HDAC7: variants seen among roughly 807,000 people sequenced by gnomAD.
HDAC7 encodes histone deacetylase 7.
HDAC7 carries 26 observed loss-of-function variants against 115.5 expected under a neutral mutation model. The observed-to-expected ratio is 0.23, with a 90% confidence interval of 0.16 to 0.31. The LOEUF is 0.31. Among genes scored for constraint, HDAC7 ranks in the 10% least tolerant of loss-of-function variants. The pLI is 1.00. For synonymous variants in HDAC7, 564 were observed against 550.9 expected, an observed-to-expected ratio of 1.02 and a Z score of -0.33; for missense variants, 1,068 against 1,329.0, an observed-to-expected ratio of 0.80 and a Z score of 3.05.
At position 47,794,900 on chromosome 12, in the gene HDAC7, G is replaced by A. The variant is rs150196410; in HGVS notation, c.1318C>T (p.Arg440Trp). ...SAKPSEKPRL[R>W]QIPSAEDLET... Reference sequence around the variant, plus strand: ...AGGTCTTCAGCCGAGGGTATCTGCCGCAGCCGGGGCTTCTCACTCGGCTTG... The same window carrying A: ...AGGTCTTCAGCCGAGGGTATCTGCCACAGCCGGGGCTTCTCACTCGGCTTG... Residue 440 changes from arginine to tryptophan, a missense_variant, in exon 12 of 26, where the codon CGG (arginine) becomes TGG (tryptophan). Around this residue, in one of 6 missense-constraint regions of HDAC7, gnomAD observed 618 missense variants for 701.5 expected, o/e 0.88. Transcript: ENST00000080059. The A allele has an allele frequency of 3.3e-5, 54 of 1,613,186 alleles. No individual in the cohort carries two copies. In the African/African-American group the frequency reaches 4.4e-4, roughly 13 times the overall value.
At position 47,798,032 on chromosome 12, in the gene HDAC7, G is replaced by A; in HGVS notation, c.461+76C>T. On this transcript the variant is annotated intron_variant, in intron 5 of 25. Coordinates refer to ENST00000080059, the MANE Select transcript of HDAC7 (RefSeq NM_015401.5). The surrounding 1 kb of genome is among the most constrained non-coding windows in gnomAD (Gnocchi z 4.3). ...AACTGGGGAGGAAGGAGGCAAGTGT[G>A]TGTGCTCATGGCTAACACGGGGGCG... The A allele has an allele frequency of 4.9e-6, 5 of 1,025,614 alleles. No homozygotes were observed. Among genetic ancestry groups the A allele is most frequent in the Non-Finnish European group, 7.7e-6 (5 of 646,716 alleles). The allele number at this position is 1,025,614 out of a possible 1,614,324, so 63.5% of individuals were successfully genotyped here. A position where few individuals can be genotyped will look rare whatever the true frequency, so the allele number is the denominator to read the frequency against.
In HDAC7 at chr12:47,802,290, C is replaced by T. The variant is rs115673706; in HGVS notation, c.20-16G>A. 572 of 1,612,648 alleles carry T rather than the reference C, an allele frequency of 3.5e-4. 2 individuals carry two copies. In the African/African-American group the frequency reaches 5.4e-3, roughly 15 times the overall value. On this transcript the variant is annotated splice_polypyrimidine_tract_variant and intron_variant, in intron 1 of 25. Coordinates refer to ENST00000080059, the MANE Select transcript of HDAC7 (RefSeq NM_015401.5). ...TGGGTCCCATCTGTAGAGAGAGAGA[C>T]GGAGTGAAAGAGCTGCAGGGAGGGG...
rs778620890 is a variant in HDAC7, at chr12:47,788,144, G to A, written c.2256C>T (p.Gly752=). 64 of 1,611,994 alleles carry A rather than the reference G, an allele frequency of 4.0e-5. No individual in the cohort carries two copies. The East Asian group carries it at 6.5e-4, about 16-fold the overall frequency. The part of the protein sequence containing the change: ...IVDWDVHHGN[G]TQQTFYQDPS... The stretch of plus-strand genomic sequence containing the variant: ...GGTCTTGGTAGAAGGTTTGCTGGGT[G>A]CCGTTGCCATGGTGCACGTCCTGTG... Residue 752 remains glycine, a synonymous_variant, in exon 20 of 26, where the codon GGC becomes GGT. Coordinates refer to ENST00000080059, the MANE Select transcript of HDAC7 (RefSeq NM_015401.5).
At chr12:47,800,481 C>T (rs922221242) in intron 2 of HDAC7, among the ~76,000 whole-genome samples, 1 of 152,222 alleles carries the variant, frequency 6.6e-6, no homozygotes, top group Non-Finnish European at 1.5e-5. Flanking sequence ...TATCAAGAGG[C>T]CTGGAGGGAC....
chr12:47,787,995 T>A, intron 20 of HDAC7, 50 bp downstream of exon 20: 2 of 1,592,466 alleles, frequency 1.3e-6, no homozygotes, highest in African/African-American at 1.3e-5. Flanking sequence ...AGAGTAAGTG[T>A]CAGGAGGAGG....
intron 1 of HDAC7, among the ~76,000 whole-genome samples, chr12:47,813,711 G>A (rs917961603): frequency 1.3e-5 from 2 of 152,234 alleles, no homozygotes; most frequent in South Asian, 4.1e-4. Flanking sequence ...TGCTGTGGGG[G>A]CTGTGGAGCT....
chr12:47,794,555 ATG>A (rs993891241), intron 12 of HDAC7, among the ~76,000 whole-genome samples: 2 of 152,140 alleles, frequency 1.3e-5, no homozygotes, highest in Non-Finnish European at 2.9e-5. Flanking sequence ...TGTTGTGTGT[ATG>A]TGTGTGTATG....
At chr12:47,811,084 G>A (rs1944644382) in intron 1 of HDAC7, among the ~76,000 whole-genome samples, 1 of 152,122 alleles carries the variant, frequency 6.6e-6, no homozygotes, top group Admixed American at 6.5e-5. Flanking sequence ...TCTCGGATGT[G>A]AATAGCCACA....
At position 47,783,773 on chromosome 12, in the gene HDAC7, C is replaced by T; in HGVS notation, c.*68G>A. ...ATCTCTAAAGACCCAGGAATGGGGGCTATTGCCAGGGGTTAGAAGAGAACC... is the reference window on the plus strand; with the variant it reads ...ATCTCTAAAGACCCAGGAATGGGGGTTATTGCCAGGGGTTAGAAGAGAACC... On this transcript the variant is annotated 3_prime_UTR_variant, in exon 26 of 26. Coordinates refer to ENST00000080059, the MANE Select transcript of HDAC7 (RefSeq NM_015401.5). The T allele has an allele frequency of 6.7e-7, 1 of 1,491,598 alleles. No individual in the cohort carries two copies. The highest frequency in any genetic ancestry group is 9.3e-7 in the Non-Finnish European group (1 of 1,080,992). 92.4% of individuals were successfully genotyped at this position (1,491,598 alleles called of 1,614,324 possible). A position where few individuals can be genotyped will look rare whatever the true frequency, so the allele number is the denominator to read the frequency against.
chr12:47,802,914 G>T (rs1215973137), intron 1 of HDAC7, among the ~76,000 whole-genome samples: 1 of 152,186 alleles, frequency 6.6e-6, no homozygotes, highest in African/African-American at 2.4e-5. Flanking sequence ...GGACCCCATA[G>T]TGCAGACCCT....
At position 47,797,927 on chromosome 12, in the gene HDAC7, A is replaced by G. The variant is rs952332605; in HGVS notation, c.461+181T>C. Among the ~76,000 whole-genome samples the G allele has an allele frequency of 7.6e-6, 1 of 131,510 alleles. No homozygotes were observed. The highest frequency in any genetic ancestry group is 1.6e-5 in the Non-Finnish European group (1 of 60,744). 86.3% of individuals were successfully genotyped at this position (131,510 alleles called of 152,430 possible). A position where few individuals can be genotyped will look rare whatever the true frequency, so the allele number is the denominator to read the frequency against. The stretch of plus-strand genomic sequence containing the variant: ...GGCTCAGGTGGGGTGGGGAGAATTT[A>G]AAGAGAGGAGGGCAGGTATCAGTTG... On this transcript the variant is annotated intron_variant, in intron 5 of 25. Transcript: ENST00000080059. This position sits in a 1 kb window ranked among gnomAD's most constrained non-coding sequence, Gnocchi z 5.5.
intron 1 of HDAC7, among the ~76,000 whole-genome samples, chr12:47,805,672 G>A (rs932112335): frequency 6.6e-6 from 1 of 152,222 alleles, no homozygotes; most frequent in African/African-American, 2.4e-5. Context: ...AGTGGGGGCT[G>A]AGCACAGAGG....
chr12:47,789,770 TTCC>T (rs773648408), intron 17 of HDAC7, 40 bp downstream of exon 17: 1 of 1,507,548 alleles, frequency 6.6e-7, no homozygotes, highest in African/African-American at 1.4e-5. Context: ...CCCACTCTGC[TTCC>T]TCCTTTGTGG....
At position 47,803,013 on chromosome 12, in the gene HDAC7, G is replaced by A. The variant is rs1475434725; in HGVS notation, c.20-739C>T. The stretch of plus-strand genomic sequence containing the variant: ...CCTCTTTCCCAGATAATCTGAGATA[G>A]AAATCTTTTCTTTTGGAAATGGCTA... On this transcript the variant is annotated intron_variant, in intron 1 of 25. Coordinates refer to ENST00000080059, the MANE Select transcript of HDAC7 (RefSeq NM_015401.5). This position sits in a 1 kb window ranked among gnomAD's most constrained non-coding sequence, Gnocchi z 4.0. Among the ~76,000 whole-genome samples, 1 of 152,212 alleles carries A rather than the reference G, an allele frequency of 6.6e-6. No individual in the cohort carries two copies. The highest frequency in any genetic ancestry group is 1.5e-5 in the Non-Finnish European group (1 of 68,036).
In HDAC7 at chr12:47,819,528, G is replaced by A. The variant is rs537634730; in HGVS notation, c.19+239C>T. On this transcript the variant is annotated intron_variant, in intron 1 of 25. Coordinates refer to ENST00000080059, the MANE Select transcript of HDAC7 (RefSeq NM_015401.5). Reference sequence around the variant, plus strand: ...GGCGGGCGGATGTGGGCGCCCCGCGGGAGGCCCGAGCCCTCCGGCCCCCGG... The same window carrying A: ...GGCGGGCGGATGTGGGCGCCCCGCGAGAGGCCCGAGCCCTCCGGCCCCCGG... 2.2e-4 allele frequency among the ~76,000 whole-genome samples: 34 copies of A among 151,962 alleles called. 2 individuals carry two copies. In the East Asian group the frequency reaches 6.6e-3, roughly 30 times the overall value.
At chr12:47,809,113 G>A (rs541924000) in intron 1 of HDAC7, among the ~76,000 whole-genome samples, 1 of 152,284 alleles carries the variant, frequency 6.6e-6, no homozygotes, top group East Asian at 1.9e-4. Context: ...CAGCCAGTGT[G>A]AGCCAGTCTT....
intron 1 of HDAC7, among the ~76,000 whole-genome samples, chr12:47,818,243 C>A (rs990453214): frequency 6.6e-6 from 1 of 152,116 alleles, no homozygotes; most frequent in African/African-American, 2.4e-5. Flanking sequence ...ATTCCAGGTG[C>A]AACATCAGGA....
rs2136987034 is a variant in HDAC7, at chr12:47,798,547, T to G, written c.349+15A>C. On this transcript the variant is annotated intron_variant, in intron 4 of 25. Transcript: ENST00000080059. The surrounding 1 kb of genome is among the most constrained non-coding windows in gnomAD (Gnocchi z 4.3). ...CTGGTGGGGCTGGGCTGGGCTGGGG[T>G]GGCCACCTCCTTACTTCGCTTGCTC... 1 of 1,611,232 alleles carries G rather than the reference T, an allele frequency of 6.2e-7. No individual in the cohort carries two copies. Among genetic ancestry groups the G allele is most frequent in the Non-Finnish European group, 8.5e-7 (1 of 1,178,814 alleles).
In HDAC7 at chr12:47,803,327, C is replaced by T. The variant is rs575696571; in HGVS notation, c.20-1053G>A. ...GAAGGGATATTTTTTGAGAAACTGC[C>T]GGGGTGCTCCTTTGGGTCTGTGTCT... On this transcript the variant is annotated intron_variant, in intron 1 of 25. Transcript: ENST00000080059. The surrounding 1 kb of genome is among the most constrained non-coding windows in gnomAD (Gnocchi z 4.0). Among the ~76,000 whole-genome samples, 108 of 152,248 alleles carry T rather than the reference C, an allele frequency of 7.1e-4. 2 individuals are homozygous for T. In the South Asian group the frequency reaches 0.021, roughly 30 times the overall value.
Sources: gnomAD v4.1 joint callset for allele counts (sites outside exome capture counted in the v4.1 genomes callset) on GRCh38, gnomAD v4.1.1 for gene constraint, gnomAD v4.1.1 regional missense constraint, Gnocchi (gnomAD v3.1) non-coding constraint, MANE v1.5 for transcripts, NCBI Gene and HGNC (gene_info 2026-07-23, HGNC 2026-07-21) for gene names.